Variants in CELF2 observed in about 807,000 individuals in gnomAD.
CELF2 encodes CUGBP Elav-like family member 2.
Under a neutral mutation model 62.6 loss-of-function variants are expected in CELF2, and 8 were observed. That is an observed-to-expected ratio of 0.13 (90% CI 0.07 to 0.23). The LOEUF is 0.23. Among genes scored for constraint, CELF2 ranks in the 10% least tolerant of loss-of-function variants. The pLI is 1.00. For missense variants in CELF2, 333 were observed against 671.0 expected (o/e 0.50, Z 5.56); for synonymous variants, 258 against 250.0 (o/e 1.03, Z -0.30).
At chr10:11,197,045 G>GAAAGAAAGAAAGA in intron 2 of CELF2, among the ~76,000 whole-genome samples, 1 of 51,070 alleles carries the variant, frequency 2.0e-5, no homozygotes, top group South Asian at 4.4e-4. Context: ...AAGAAAGAAA[G>GAAAGAAAGAAAGA]AAAGAAAGAA....
rs1036288263 is a variant in CELF2 at position 11,333,922 on chromosome 10, C to G, written c.*4869C>G. ...AAAATGGAAATTTTTGTGGCTTGCT[C>G]TGGTGGGCCCCTGACAATGACTGAT... On this transcript the variant is annotated 3_prime_UTR_variant, in exon 13 of 13. Transcript: ENST00000633077. The G allele has an allele frequency of 1.3e-5, 2 of 151,884 alleles. No individual in the cohort carries two copies. Among genetic ancestry groups the G allele is most frequent in the Admixed American group, 1.3e-4 (2 of 15,254 alleles). 9.4% of individuals were successfully genotyped at this position (151,884 alleles called of 1,614,324 possible).
chr10:10,608,439 C>A, the CELF2 span, among the ~76,000 whole-genome samples: 3 of 152,152 alleles, frequency 2.0e-5, no homozygotes, highest in Non-Finnish European at 4.4e-5. Flanking sequence ...CCACAGGATC[C>A]TTAATTAGCT....
At chr10:11,163,692 G>GT (rs1422888945) in intron 1 of CELF2, among the ~76,000 whole-genome samples, 1 of 152,184 alleles carries the variant, frequency 6.6e-6, no homozygotes, top group Non-Finnish European at 1.5e-5. Context: ...CAGTCTGATT[G>GT]TTTATTTCAA....
chr10:11,205,948 G>T (rs553369229), intron 2 of CELF2, among the ~76,000 whole-genome samples: 9 of 152,300 alleles, frequency 5.9e-5, no homozygotes, highest in African/African-American at 1.4e-4. Flanking sequence ...TAGCCAAAGG[G>T]TTTGCCTCTC....
At chr10:10,974,014 A>T (rs1349501616) in intron 2 of CELF2, among the ~76,000 whole-genome samples, 1 of 152,190 alleles carries the variant, frequency 6.6e-6, no homozygotes, top group Admixed American at 6.5e-5. Flanking sequence ...GGAAGCATAG[A>T]TAAATGGAAC....
At chr10:10,779,488 CT>C in the CELF2 span, among the ~76,000 whole-genome samples, 25 of 151,680 alleles carry the variant, frequency 1.6e-4, no homozygotes, top group East Asian at 3.9e-4. Context: ...TCTCCTTCCT[CT>C]TTTTTTTTCC....
At chr10:10,924,724 CTTTT>C (rs745848953) in intron 2 of CELF2, among the ~76,000 whole-genome samples, 4 of 89,142 alleles carry the variant, frequency 4.5e-5, no homozygotes, top group Non-Finnish European at 8.0e-5. Context: ...AACTTGATCG[CTTTT>C]TTTTTTTTTT....
chr10:10,896,223 C>T (rs557575287), intron 1 of CELF2, among the ~76,000 whole-genome samples: 7 of 152,162 alleles, frequency 4.6e-5, no homozygotes, highest in Non-Finnish European at 1.0e-4. Context: ...CAGACAGGAA[C>T]ACCTCAAGAT....
chr10:11,074,123 T>G (rs1047125815), intron 1 of CELF2, among the ~76,000 whole-genome samples: 6 of 152,196 alleles, frequency 3.9e-5, no homozygotes, highest in Admixed American at 3.3e-4. Context: ...ACAACATCTA[T>G]TCAACCTATT....
chr10:10,543,584 C>A, the CELF2 span, among the ~76,000 whole-genome samples: 1 of 152,200 alleles, frequency 6.6e-6, no homozygotes, highest in African/African-American at 2.4e-5. Flanking sequence ...TGGTGGGTCA[C>A]ACCTGTAATC....
At chr10:11,199,266 C>G (rs1371112234) in intron 2 of CELF2, among the ~76,000 whole-genome samples, 1 of 152,192 alleles carries the variant, frequency 6.6e-6, no homozygotes, top group African/African-American at 2.4e-5. Context: ...GCGATGTTAT[C>G]TTCTACTCCC....
At chr10:11,054,059 T>A (rs1267405826) in intron 1 of CELF2, among the ~76,000 whole-genome samples, 1 of 152,238 alleles carries the variant, frequency 6.6e-6, no homozygotes, top group Non-Finnish European at 1.5e-5. Flanking sequence ...TTTTGATGTA[T>A]AATTTCCAGT....
At chr10:11,264,206 C>T (rs1295696250) in intron 5 of CELF2, among the ~76,000 whole-genome samples, 1 of 152,204 alleles carries the variant, frequency 6.6e-6, no homozygotes, top group Non-Finnish European at 1.5e-5. Context: ...TTTATAGAAA[C>T]AGAATTTTAT....
chr10:10,689,663 A>G, the CELF2 span, among the ~76,000 whole-genome samples: 1 of 152,230 alleles, frequency 6.6e-6, no homozygotes, highest in African/African-American at 2.4e-5. Flanking sequence ...AAGGCATTCA[A>G]ATCACATGAA....
chr10:10,547,690 A>AGTGT, the CELF2 span, among the ~76,000 whole-genome samples: 169 of 131,116 alleles, frequency 1.3e-3, 1 homozygote, highest in African/African-American at 4.7e-3. Flanking sequence ...AGAGAGAGAG[A>AGTGT]GAGTGTGTGT....
the CELF2 span, among the ~76,000 whole-genome samples, chr10:10,538,770 G>A: frequency 5.1e-4 from 78 of 152,326 alleles, no homozygotes; most frequent in African/African-American, 1.7e-3. Context: ...GGAGGCCACC[G>A]TACTGACTAT....
upstream of CELF2, among the ~76,000 whole-genome samples, chr10:11,016,346 T>C (rs1043276332): frequency 6.6e-5 from 10 of 152,180 alleles, no homozygotes; most frequent in African/African-American, 2.4e-4. The surrounding 1 kb of genome is among the most constrained non-coding windows in gnomAD (Gnocchi z 5.2). Flanking sequence ...AAGGTAGTAT[T>C]TAAAAAATTA....
chr10:11,104,113 A>G (rs981033319), intron 1 of CELF2, among the ~76,000 whole-genome samples: 6 of 152,226 alleles, frequency 3.9e-5, no homozygotes, highest in African/African-American at 1.2e-4. Context: ...TGCTGTTCCT[A>G]TTAAACCATG....
chr10:10,650,077 T>C, the CELF2 span, among the ~76,000 whole-genome samples: 47 of 152,334 alleles, frequency 3.1e-4, no homozygotes, highest in African/African-American at 6.7e-4. Flanking sequence ...TTCAGACTAT[T>C]TGATGCTCCG....
Sources: gnomAD v4.1 joint callset for allele counts (sites outside exome capture counted in the v4.1 genomes callset) on GRCh38, gnomAD v4.1.1 for gene constraint, Gnocchi (gnomAD v3.1) non-coding constraint, MANE v1.5 for transcripts, NCBI Gene and HGNC (gene_info 2026-07-23, HGNC 2026-07-21) for gene names.